LAMA5: variants seen among roughly 807,000 people sequenced by gnomAD.
The protein encoded by LAMA5 is laminin subunit alpha-5.
In LAMA5, 260 loss-of-function variants were observed where a neutral mutation model predicts 433.4. The ratio of observed to expected loss-of-function variants is 0.60; its 90% CI spans 0.54 to 0.66. The LOEUF is 0.66. Ranked by LOEUF, LAMA5 falls within the 30% of genes least tolerant of loss-of-function variation. The pLI, the probability that LAMA5 is intolerant of heterozygous loss-of-function variation, is 0.00. For synonymous variants in LAMA5, 2,620 were observed against 2,226.6 expected, an observed-to-expected ratio of 1.18 and a Z score of -4.97; for missense variants, 5,378 against 5,258.5, an observed-to-expected ratio of 1.02 and a Z score of -0.70.
chr20:62,333,707 C>A lies in LAMA5; in HGVS notation c.2879-1G>T. The A allele has an allele frequency of 6.3e-7, 1 of 1,584,010 alleles. No individual in the cohort carries two copies. Among genetic ancestry groups the A allele is most frequent in the South Asian group, 1.2e-5 (1 of 86,246 alleles). The stretch of plus-strand genomic sequence containing the variant: ...GCCACGGGCTGACTCTGTGCTGTGC[C>A]TGGGCGGGGGCAGGGGTGAGACTCC... On this transcript the variant is annotated splice_acceptor_variant, in intron 23 of 79. Coordinates refer to ENST00000252999, the MANE Select transcript of LAMA5 (RefSeq NM_005560.6). LOFTEE classifies it high-confidence loss of function.
chr20:62,354,124 C>T (rs1296351417), intron 2 of LAMA5, among the ~76,000 whole-genome samples: 1 of 152,124 alleles, frequency 6.6e-6, no homozygotes, highest in East Asian at 1.9e-4. Context: ...CACCCAGGGA[C>T]AGCCCATGTG....
chr20:62,334,888 C>T, intron 20 of LAMA5, 133 bp downstream of exon 20: 2 of 838,914 alleles, frequency 2.4e-6, no homozygotes, highest in South Asian at 3.2e-5. Context: ...CACAGGCTGG[C>T]ACCAAGGGGC....
chr20:62,319,328 C>A (rs957515777), intron 51 of LAMA5, among the ~76,000 whole-genome samples: 8 of 152,170 alleles, frequency 5.3e-5, no homozygotes, highest in Non-Finnish European at 8.8e-5. Context: ...GCACCCCCTG[C>A]CGACCCCCAG....
chr20:62,319,276 C>T (rs1024371160), intron 51 of LAMA5, among the ~76,000 whole-genome samples: 29 of 152,276 alleles, frequency 1.9e-4, no homozygotes, highest in African/African-American at 6.0e-4. Flanking sequence ...TGCCCCTCTC[C>T]GCCTGGCCCA....
At chr20:62,363,584 T>TC (rs1391231642) in intron 1 of LAMA5, among the ~76,000 whole-genome samples, 64 of 151,762 alleles carry the variant, frequency 4.2e-4, no homozygotes, top group African/African-American at 1.5e-3. Context: ...TCCTGGCTGC[T>TC]CCCCCGCCCC....
chr20:62,323,722 C>A (rs1321186150), intron 44 of LAMA5, 52 bp from the exon 45 acceptor site: 2 of 1,594,972 alleles, frequency 1.3e-6, no homozygotes, highest in Non-Finnish European at 8.6e-7. Flanking sequence ...CCCACCCTCG[C>A]ATATCCTGGG....
In LAMA5 at chr20:62,320,751, G is replaced by A. The variant is rs137885817; in HGVS notation, c.6636C>T (p.Ile2212=). 5.8e-4 allele frequency: 943 copies of A among 1,612,664 alleles called. 6 individuals are homozygous for A. The African/African-American group carries it at 0.01, about 18-fold the overall frequency. Residue 2212 remains isoleucine, a synonymous_variant, in exon 49 of 80, where the codon ATC becomes ATT. Coordinates refer to ENST00000252999, the MANE Select transcript of LAMA5 (RefSeq NM_005560.6). ...WARLHRLNAS[I]ADLQSQLRSP... is the part of the protein sequence containing the mutation. ...GGACGCTCAGTACCTGCAGGTCAGCGATGGAGGCGTTCAGCCTGTGCAGAC... is the reference window on the plus strand; with the variant it reads ...GGACGCTCAGTACCTGCAGGTCAGCAATGGAGGCGTTCAGCCTGTGCAGAC...
chr20:62,358,405 C>G (rs542370310), intron 2 of LAMA5, among the ~76,000 whole-genome samples: 16 of 152,210 alleles, frequency 1.1e-4, no homozygotes, highest in Non-Finnish European at 2.4e-4. Context: ...AGCTCTGTAA[C>G]TAGAGCCTGG....
At position 62,322,092 on chromosome 20, in the gene LAMA5, G is replaced by C. The variant is rs778059678; in HGVS notation, c.6423C>G (p.Arg2141=). 4 of 1,602,064 alleles carry C rather than the reference G, an allele frequency of 2.5e-6. No individual in the cohort carries two copies. The highest frequency in any genetic ancestry group is 1.7e-6 in the Non-Finnish European group (2 of 1,179,310). Residue 2141 remains arginine (R), a synonymous_variant, in exon 48 of 80, where the codon CGC becomes CGG. Coordinates refer to ENST00000252999, the MANE Select transcript of LAMA5 (RefSeq NM_005560.6). ...CNCPPGLSGE[R]CDTCSQQHQV... ...GATGCTGCTGGCTGCAGGTGTCGCA[G>C]CGCTCCCCGCTGAGCCCCGGGGGGC...
chr20:62,346,970 C>T lies in LAMA5; in HGVS notation c.1015G>A (p.Gly339Ser), dbSNP rs536322214. 3.9e-5 allele frequency: 63 copies of T among 1,612,732 alleles called. No individual in the cohort carries two copies. The highest frequency in any genetic ancestry group is 2.9e-4 in the East Asian group (13 of 44,872). The stretch of plus-strand genomic sequence containing the variant: ...GGCTTCCACGGCTGCTGATTGAAGC[C>T]GGGGCAGCAGCGGTCGCAGGTGCCC... ...CGGTCDRCCPGFNQQPWKPAT... is the reference protein window; with the variant it reads ...CGGTCDRCCPSFNQQPWKPAT... Residue 339 changes from glycine to serine, a missense_variant, in exon 7 of 80, where the codon GGC (glycine) becomes AGC (serine). By Grantham distance (56) the Gly-to-Ser change is moderately conservative (BLOSUM62 0). Transcript: ENST00000252999.
intron 40 of LAMA5, among the ~76,000 whole-genome samples, chr20:62,326,292 C>T (rs146786944): frequency 9.1e-4 from 138 of 151,342 alleles, no homozygotes; most frequent in African/African-American, 3.2e-3. Context: ...ACGGTTGTTA[C>T]TCTGAAGTCT....
chr20:62,350,572 G>A (rs1030161006), intron 6 of LAMA5, among the ~76,000 whole-genome samples: 1 of 152,166 alleles, frequency 6.6e-6, no homozygotes, highest in African/African-American at 2.4e-5. Flanking sequence ...CCCACAGAAG[G>A]CAAGGGCGGG....
chr20:62,326,910 T>A lies in LAMA5; in HGVS notation c.5169A>T (p.Gly1723=), dbSNP rs1054237404. ...TGCTCTCCATGGGGACAAAGACATC[T>A]CCCCGCTGGGTCTCTGAGTGCAGTT... ...RYELHSETQR[G]DVFVPMESRP... The change falls in exon 39 of 80, where the codon GGA becomes GGT. Residue 1723 remains glycine (G), a synonymous_variant. Transcript: ENST00000252999. 6.2e-7 allele frequency: 1 copy of A among 1,612,124 alleles called. No individual in the cohort carries two copies. The highest frequency in any genetic ancestry group is 8.5e-7 in the Non-Finnish European group (1 of 1,179,394).
intron 53 of LAMA5, 23 bp from the exon 54 acceptor site, chr20:62,317,801 G>A (rs1047772069): frequency 4.7e-6 from 7 of 1,478,008 alleles, no homozygotes; most frequent in African/African-American, 1.4e-5. Context: ...CAGGGGAGTT[G>A]GGGACAATGA....
chr20:62,329,261 G>GT lies in LAMA5; in HGVS notation c.4120-9dup. ...GACCACGAGTACATAATCCTAGGGG[G>GT]TGAGGCCTGGTCACTCTCCCGCGGG... On this transcript the variant is annotated splice_polypyrimidine_tract_variant and intron_variant, in intron 32 of 79. Transcript: ENST00000252999. The GT allele has an allele frequency of 1.9e-6, 3 of 1,597,996 alleles. No homozygotes were observed. Among genetic ancestry groups the GT allele is most frequent in the Non-Finnish European group, 2.6e-6 (3 of 1,167,196 alleles).
Position 62,330,814 on chromosome 20 carries a change from CTGGGGA to C in LAMA5, c.3775_3780del (p.Ser1259_Pro1260del), listed in dbSNP as rs1010769784. The stretch of plus-strand genomic sequence containing the variant: ...GTGGGGGGCCGAGGTCGGGGTCCAG[CTGGGGA>C]CATGGCTGGAGTGAGATCCTGCGCG... On this transcript the variant is annotated inframe_deletion, in exon 30 of 80. Transcript: ENST00000252999. 2 of 1,554,306 alleles carry C rather than the reference CTGGGGA, an allele frequency of 1.3e-6. No homozygotes were observed. The highest frequency in any genetic ancestry group is 8.7e-7 in the Non-Finnish European group (1 of 1,150,266).
rs763579131 is a variant in LAMA5 at position 62,323,660 on chromosome 20, C to A, written c.5860G>T (p.Gly1954Ter). The change falls in exon 45 of 80, where the codon GGA becomes TGA. Residue 1954 changes from glycine (G) to a stop codon, truncating the protein, a stop_gained. Coordinates refer to ENST00000252999, the MANE Select transcript of LAMA5 (RefSeq NM_005560.6). LOFTEE classifies it high-confidence loss of function. ...AGASCERCAP[G>*]FFGNPLVLGS... ...AGCACCAGTGGGTTCCCAAAGAATC[C>A]GGGCGCACACCTGGGAGCAGGGTGG... is the stretch of plus-strand genomic sequence containing the variant. The A allele has an allele frequency of 6.2e-7, 1 of 1,607,814 alleles. No individual in the cohort carries two copies.
At position 62,336,783 on chromosome 20, in the gene LAMA5, C is replaced by A. The variant is rs777161508; in HGVS notation, c.2168G>T (p.Gly723Val). The change falls in exon 17 of 80, where the codon GGC becomes GTC. Residue 723 changes from glycine (G) to valine (V), a missense_variant. Physicochemically the swap from Gly to Val is moderately radical, Grantham distance 109 (BLOSUM62 -3). Coordinates refer to ENST00000252999, the MANE Select transcript of LAMA5 (RefSeq NM_005560.6). ...GGCCAGACCGGCAGGGTGGCAAGAGCCAGCTGTGAAGAGAGGACCATGCCT... is the reference window on the plus strand; with the variant it reads ...GGCCAGACCGGCAGGGTGGCAAGAGACAGCTGTGAAGAGAGGACCATGCCT... ...GAYNFPYCEA[G>V]SCHPAGLAPV... The A allele has an allele frequency of 1.4e-5, 23 of 1,612,488 alleles. No individual in the cohort carries two copies. Among genetic ancestry groups the A allele is most frequent in the Admixed American group, 1.3e-4 (8 of 59,988 alleles).
chr20:62,336,402 C>T lies in LAMA5; in HGVS notation c.2261G>A (p.Ser754Asn), dbSNP rs750765510. Reference sequence around the variant, plus strand: ...GAACCCAGGTTTGCAGCGGTCACAGCTCGGCCCCTCCACGTGAGCCCGGCA... The same window carrying T: ...GAACCCAGGTTTGCAGCGGTCACAGTTCGGCCCCTCCACGTGAGCCCGGCA... ...CMCRAHVEGP[S>N]CDRCKPGFWG... The change falls in exon 18 of 80, where the codon AGC (serine) becomes AAC (asparagine). Residue 754 changes from serine to asparagine, a missense_variant. By Grantham distance (46) the Ser-to-Asn change is conservative. Transcript: ENST00000252999. 1 of 1,612,634 alleles carries T rather than the reference C, an allele frequency of 6.2e-7. No individual in the cohort carries two copies. The highest frequency in any genetic ancestry group is 1.7e-4 in the Middle Eastern group (1 of 6,058).
Sources: gnomAD v4.1 joint callset for allele counts (sites outside exome capture counted in the v4.1 genomes callset) on GRCh38, gnomAD v4.1.1 for gene constraint, MANE v1.5 for transcripts, NCBI Gene and HGNC (gene_info 2026-07-23, HGNC 2026-07-21) for gene names.